Variants in SYT9 observed in about 807,000 individuals in gnomAD.
SYT9 encodes the protein synaptotagmin-9.
A neutral mutation model predicts 48.4 loss-of-function variants in SYT9; 22 were observed. The ratio of observed to expected loss-of-function variants is 0.45; its 90% confidence interval spans 0.32 to 0.65. SYT9 has a LOEUF of 0.65. Among genes scored for constraint, SYT9 ranks in the 30% least tolerant of loss-of-function variants. The pLI, the probability that SYT9 is intolerant of heterozygous loss-of-function variation, is 0.03. For missense variants in SYT9, 577 were observed against 622.0 expected, an observed-to-expected ratio of 0.93 and a Z score of 0.77; for synonymous variants, 265 against 245.0, an observed-to-expected ratio of 1.08 and a Z score of -0.76.
chr11:7,240,177 G>C (rs1411128237), intron 1 of SYT9, among the ~76,000 whole-genome samples: 1 of 152,144 alleles, frequency 6.6e-6, no homozygotes, highest in African/African-American at 2.4e-5. Context: ...GCACATCTCA[G>C]AGGTCCAAGT....
At chr11:7,353,554 C>T (rs1021908062) in intron 3 of SYT9, among the ~76,000 whole-genome samples, 3 of 152,240 alleles carry the variant, frequency 2.0e-5, no homozygotes, top group African/African-American at 7.2e-5. Context: ...GCTGTGCCCT[C>T]TCCAACAAGG....
rs72846061 is a variant in SYT9 at position 7,406,702 on chromosome 11, T to A, written c.1045-9340T>A. On this transcript the variant is annotated intron_variant, in intron 3 of 6. Transcript: ENST00000318881. ...ATACACGGATTTCCTTTCCTTTGGT[T>A]AAATACCTGGTAGTGGCATTGCTGG... Among the ~76,000 whole-genome samples, 433 of 152,190 alleles carry A rather than the reference T, an allele frequency of 2.8e-3. 2 individuals carry two copies. The highest frequency in any genetic ancestry group is 3.9e-3 in the Admixed American group (60 of 15,284).
intron 3 of SYT9, among the ~76,000 whole-genome samples, chr11:7,376,200 C>G (rs1157873631): frequency 6.6e-6 from 1 of 152,004 alleles, no homozygotes; most frequent in Non-Finnish European, 1.5e-5. Context: ...AGATATTCAA[C>G]AAATATATTT....
chr11:7,301,296 T>G (rs1399852300), intron 1 of SYT9, among the ~76,000 whole-genome samples: 1 of 152,222 alleles, frequency 6.6e-6, no homozygotes, highest in Admixed American at 6.5e-5. Context: ...GTATGTTAAA[T>G]CCATCAACAG....
intron 3 of SYT9, among the ~76,000 whole-genome samples, chr11:7,409,771 GTTT>G (rs1323702069): frequency 6.6e-6 from 1 of 151,784 alleles, no homozygotes; most frequent in Non-Finnish European, 1.5e-5. Context: ...CTAGCTAGTG[GTTT>G]ATCAATTTTG....
At chr11:7,256,208 G>T (rs1458782570) in intron 1 of SYT9, among the ~76,000 whole-genome samples, 1 of 152,080 alleles carries the variant, frequency 6.6e-6, no homozygotes, top group Non-Finnish European at 1.5e-5. Flanking sequence ...TTCTTCTGTA[G>T]GGTGCCAACC....
At chr11:7,372,172 G>T (rs1850373361) in intron 3 of SYT9, among the ~76,000 whole-genome samples, 1 of 152,132 alleles carries the variant, frequency 6.6e-6, no homozygotes, top group Non-Finnish European at 1.5e-5. Flanking sequence ...ATTTGATGTT[G>T]TCATCTTTTT....
At chr11:7,342,727 G>A (rs61888568) in intron 3 of SYT9, among the ~76,000 whole-genome samples, 4,645 of 152,286 alleles carry the variant, frequency 0.031, 107 homozygotes, top group Non-Finnish European at 0.043. Flanking sequence ...AGTAGGCAGT[G>A]CCCCAGTGGG....
chr11:7,358,164 G>T (rs1339678728), intron 3 of SYT9, among the ~76,000 whole-genome samples: 2 of 152,088 alleles, frequency 1.3e-5, no homozygotes, highest in Admixed American at 6.6e-5. Context: ...GACGAATACT[G>T]TTTTATAGAG....
chr11:7,269,962 G>A (rs1848264068), intron 1 of SYT9, among the ~76,000 whole-genome samples: 1 of 152,246 alleles, frequency 6.6e-6, no homozygotes, highest in South Asian at 2.1e-4. Context: ...AAGCACAACA[G>A]CAGGAACATT....
chr11:7,418,280 T>G, intron 5 of SYT9, 152 bp downstream of exon 5: 1 of 793,530 alleles, frequency 1.3e-6, no homozygotes, highest in Non-Finnish European at 2.0e-6. Context: ...TTGACAGGAG[T>G]CACCTCTAAA....
intron 3 of SYT9, among the ~76,000 whole-genome samples, chr11:7,404,309 T>A (rs545081373): frequency 1.3e-5 from 2 of 152,280 alleles, no homozygotes; most frequent in East Asian, 3.9e-4. Context: ...TTGGGATAGT[T>A]TAGTTTAAAT....
chr11:7,365,157 A>G (rs1029984038), intron 3 of SYT9, among the ~76,000 whole-genome samples: 2 of 152,110 alleles, frequency 1.3e-5, no homozygotes, highest in East Asian at 1.9e-4. Context: ...AATGGAGTGT[A>G]AGCATTTTTG....
At chr11:7,305,304 C>A (rs1849011557) in intron 2 of SYT9, among the ~76,000 whole-genome samples, 1 of 152,200 alleles carries the variant, frequency 6.6e-6, no homozygotes, top group African/African-American at 2.4e-5. Flanking sequence ...AAGAAAACTA[C>A]TCTTTTCTAG....
intron 3 of SYT9, among the ~76,000 whole-genome samples, chr11:7,381,018 A>G (rs1011323850): frequency 1.3e-5 from 2 of 152,190 alleles, no homozygotes; most frequent in Non-Finnish European, 2.9e-5. Flanking sequence ...TTCTCCTTCT[A>G]AACAATTGAT....
At chr11:7,430,625 G>A (rs1847552375) in intron 6 of SYT9, among the ~76,000 whole-genome samples, 1 of 152,130 alleles carries the variant, frequency 6.6e-6, no homozygotes, top group Non-Finnish European at 1.5e-5. Context: ...AATGTTGGAG[G>A]TGGGGCCTGA....
intron 3 of SYT9, among the ~76,000 whole-genome samples, chr11:7,396,110 A>G (rs1163326269): frequency 3.9e-5 from 6 of 152,118 alleles, no homozygotes; most frequent in Non-Finnish European, 8.8e-5. Context: ...ATATAATAAA[A>G]TTAACCAATT....
chr11:7,435,963 A>G (rs12575563), intron 6 of SYT9: 19,416 of 152,152 alleles, frequency 0.13, 1,443 homozygotes, highest in East Asian at 0.25. Flanking sequence ...CCTGGGCAAC[A>G]GAGCCAGACT....
intron 3 of SYT9, among the ~76,000 whole-genome samples, chr11:7,411,083 G>A (rs1464454438): frequency 6.6e-6 from 1 of 152,198 alleles, no homozygotes; most frequent in Non-Finnish European, 1.5e-5. Flanking sequence ...TCAAACTCCT[G>A]ACCTCAGGTG....
Sources: allele counts gnomAD v4.1 joint callset (sites outside exome capture counted in the v4.1 genomes callset), GRCh38; gene constraint gnomAD v4.1.1; transcripts MANE v1.5; gene names NCBI Gene and HGNC (gene_info 2026-07-23, HGNC 2026-07-21).